The following CTNND2 variants were observed in gnomAD, a reference collection of about 807,000 sequenced individuals.
CTNND2 encodes the protein catenin delta 2.
CTNND2 carries 22 observed loss-of-function variants against 144.4 expected under a neutral mutation model. That is an observed-to-expected ratio of 0.15 (90% CI 0.11 to 0.22). The LOEUF is 0.22. Among genes scored for constraint, CTNND2 ranks in the 10% least tolerant of loss-of-function variants. CTNND2 has a pLI of 1.00. For missense variants in CTNND2, 1,353 were observed against 1,618.8 expected (o/e 0.84, Z 2.82); for synonymous variants, 751 against 695.6 (o/e 1.08, Z -1.25).
At chr5:11,033,106 A>T (rs947485867) in intron 16 of CTNND2, among the ~76,000 whole-genome samples, 2 of 152,200 alleles carry the variant, frequency 1.3e-5, no homozygotes, top group African/African-American at 4.8e-5. Context: ...TGAATCCATA[A>T]TTTTTTTAAA....
At chr5:11,135,382 T>C (rs1018783998) in intron 12 of CTNND2, among the ~76,000 whole-genome samples, 2 of 152,218 alleles carry the variant, frequency 1.3e-5, no homozygotes, top group Non-Finnish European at 2.9e-5. Context: ...TCCATCATTT[T>C]ATATGTGCTG....
intron 6 of CTNND2, among the ~76,000 whole-genome samples, chr5:11,385,463 G>A (rs1351677231): frequency 6.6e-6 from 1 of 152,198 alleles, no homozygotes; most frequent in African/African-American, 2.4e-5. Flanking sequence ...GGGAAGTCAC[G>A]TTTGACAAAT....
chr5:11,179,393 T>C (rs1760789871), intron 11 of CTNND2, among the ~76,000 whole-genome samples: 1 of 152,096 alleles, frequency 6.6e-6, no homozygotes, highest in African/African-American at 2.4e-5. Flanking sequence ...AAAACAAGGT[T>C]ATCACAGAAA....
chr5:11,642,039 C>G (rs905700228), intron 2 of CTNND2, among the ~76,000 whole-genome samples: 2 of 152,020 alleles, frequency 1.3e-5, no homozygotes, highest in Non-Finnish European at 2.9e-5. Context: ...GTGAATATTA[C>G]ATTGCATGAG....
intron 10 of CTNND2, among the ~76,000 whole-genome samples, chr5:11,230,572 T>C (rs1452656982): frequency 6.6e-6 from 1 of 152,182 alleles, no homozygotes; most frequent in Non-Finnish European, 1.5e-5. Flanking sequence ...TAATCATGCC[T>C]GCGCCCTTTA....
At chr5:11,298,047 G>C (rs1749203180) in intron 9 of CTNND2, among the ~76,000 whole-genome samples, 1 of 152,118 alleles carries the variant, frequency 6.6e-6, no homozygotes, top group East Asian at 1.9e-4. Context: ...TTCAAAGTTA[G>C]TAAATTGTAC....
chr5:11,196,361 A>C (rs1421108196), intron 11 of CTNND2, among the ~76,000 whole-genome samples: 2 of 152,164 alleles, frequency 1.3e-5, no homozygotes, highest in Admixed American at 6.5e-5. Context: ...CTTCCCCTGT[A>C]ATTTTTTGTT....
At chr5:11,488,859 G>A (rs1769102919) in intron 3 of CTNND2, among the ~76,000 whole-genome samples, 1 of 152,158 alleles carries the variant, frequency 6.6e-6, no homozygotes, top group African/African-American at 2.4e-5. Context: ...CATAATGTCT[G>A]TGAGATTCCT....
intron 9 of CTNND2, among the ~76,000 whole-genome samples, chr5:11,345,493 A>C (rs147226161): frequency 2.5e-4 from 38 of 152,172 alleles, no homozygotes; most frequent in African/African-American, 8.4e-4. Context: ...ATCTATTCCA[A>C]CCCCTCAATA....
chr5:10,973,358 A>G lies in CTNND2; in HGVS notation c.*95T>C, dbSNP rs192726630. 1 of 1,373,024 alleles carries G rather than the reference A, an allele frequency of 7.3e-7. No homozygotes were observed. The highest frequency in any genetic ancestry group is 9.7e-7 in the Non-Finnish European group (1 of 1,029,880). 85.1% of individuals were successfully genotyped at this position (1,373,024 alleles called of 1,614,324 possible). On this transcript the variant is annotated 3_prime_UTR_variant, in exon 22 of 22. Coordinates refer to ENST00000304623, the MANE Select transcript of CTNND2 (RefSeq NM_001332.4). This position sits in a 1 kb window ranked among gnomAD's most constrained non-coding sequence, Gnocchi z 5.6. ...GCCTTCCTATGGAACAGGCTTTAAC[A>G]AACTAAATTTGCAGGAGAAAAAAAC...
At chr5:11,465,126 A>G (rs527821874) in intron 3 of CTNND2, among the ~76,000 whole-genome samples, 40 of 152,328 alleles carry the variant, frequency 2.6e-4, no homozygotes, top group African/African-American at 9.6e-4. Context: ...TTAAACAGTC[A>G]TGTTAAGAAT....
rs188297285 is a variant in CTNND2 at position 11,522,206 on chromosome 5, A to G, written c.287+42738T>C. 2.4e-3 allele frequency among the ~76,000 whole-genome samples: 367 copies of G among 152,364 alleles called. 2 individuals are homozygous for G. Among genetic ancestry groups the G allele is most frequent in the African/African-American group, 8.4e-3 (350 of 41,588 alleles). ...TGAATCTCTATGTGTTAGAAGAAAG[A>G]TTGTAAATTTTCCATGACAAACGTG... On this transcript the variant is annotated intron_variant, in intron 3 of 21. Transcript: ENST00000304623.
chr5:11,311,262 A>T (rs1750806890), intron 9 of CTNND2, among the ~76,000 whole-genome samples: 1 of 108,414 alleles, frequency 9.2e-6, no homozygotes, highest in African/African-American at 3.4e-5. Flanking sequence ...AAACTCTCAC[A>T]CTCACTCCAT....
In CTNND2 at chr5:11,759,850, G is replaced by A. The variant is rs139866893; in HGVS notation, c.38-27578C>T. 4.5e-3 allele frequency among the ~76,000 whole-genome samples: 680 copies of A among 152,064 alleles called. 9 individuals carry two copies. Among genetic ancestry groups the A allele is most frequent in the African/African-American group, 0.016 (657 of 41,504 alleles). ...AGATGATGGAACTGAGATACAGGAG[G>A]TTAACCTCCCCAAGGTGGCAAAGGG... On this transcript the variant is annotated intron_variant, in intron 1 of 21. Transcript: ENST00000304623.
At chr5:11,814,918 T>C (rs945233802) in intron 1 of CTNND2, among the ~76,000 whole-genome samples, 2 of 152,226 alleles carry the variant, frequency 1.3e-5, no homozygotes, top group South Asian at 2.1e-4. Context: ...TAAGTTAGAA[T>C]TGACCATAGC....
chr5:11,252,246 A>G (rs751899490), intron 9 of CTNND2, among the ~76,000 whole-genome samples: 14 of 152,194 alleles, frequency 9.2e-5, no homozygotes, highest in Non-Finnish European at 1.5e-4. Flanking sequence ...CAGAATGAGA[A>G]ATCAATGAGA....
chr5:11,083,042 C>T (rs1010218013), intron 15 of CTNND2, among the ~76,000 whole-genome samples, 196 bp from the exon 16 acceptor site: 7 of 152,114 alleles, frequency 4.6e-5, no homozygotes, highest in African/African-American at 1.7e-4. Context: ...AACTTGGGGA[C>T]AAAGATTTCA....
Position 11,835,530 on chromosome 5 carries a change from G to A in CTNND2, c.37+68287C>T, listed in dbSNP as rs1179245131. Reference sequence around the variant, plus strand: ...GAATTATTCAGGTTACCCATTTAATGTTAGTGTTGGTAGTTTGTGTTTCTT... The same window carrying A: ...GAATTATTCAGGTTACCCATTTAATATTAGTGTTGGTAGTTTGTGTTTCTT... On this transcript the variant is annotated intron_variant, in intron 1 of 21. Coordinates refer to ENST00000304623, the MANE Select transcript of CTNND2 (RefSeq NM_001332.4). Among the ~76,000 whole-genome samples the A allele has an allele frequency of 1.3e-5, 2 of 152,136 alleles. 1 individual carries two copies. The highest frequency in any genetic ancestry group is 4.1e-4 in the South Asian group (2 of 4,824).
At chr5:11,599,378 T>C (rs1455977678) in intron 2 of CTNND2, among the ~76,000 whole-genome samples, 1 of 152,208 alleles carries the variant, frequency 6.6e-6, no homozygotes, top group Non-Finnish European at 1.5e-5. Context: ...AGGTATTTCA[T>C]TTCTAATAGA....
Sources: gnomAD v4.1 joint callset for allele counts (sites outside exome capture counted in the v4.1 genomes callset) on GRCh38, gnomAD v4.1.1 for gene constraint, Gnocchi (gnomAD v3.1) non-coding constraint, MANE v1.5 for transcripts, NCBI Gene and HGNC (gene_info 2026-07-23, HGNC 2026-07-21) for gene names.